NR3C2: variants seen among roughly 807,000 people sequenced by gnomAD.
NR3C2 encodes mineralocorticoid receptor.
Under a neutral mutation model 86.4 loss-of-function variants are expected in NR3C2, and 15 were observed. The observed-to-expected ratio is 0.17, with a 90% CI of 0.12 to 0.27. The LOEUF is 0.27. Ranked by LOEUF, NR3C2 falls within the 10% of genes least tolerant of loss-of-function variation. NR3C2 has a pLI of 1.00. For missense variants in NR3C2, 960 were observed against 1,195.6 expected (o/e 0.80, Z 2.91); for synonymous variants, 458 against 450.5 (o/e 1.02, Z -0.21).
chr4:148,310,945 G>A (rs892034413), intron 2 of NR3C2, among the ~76,000 whole-genome samples: 11 of 151,980 alleles, frequency 7.2e-5, no homozygotes, highest in African/African-American at 1.2e-4. Context: ...TGCTTAGCAC[G>A]GTCACCAGAG....
intron 1 of NR3C2, among the ~76,000 whole-genome samples, chr4:148,437,781 C>T (rs986255364): frequency 1.3e-5 from 2 of 152,174 alleles, no homozygotes; most frequent in Admixed American, 1.3e-4. Flanking sequence ...GTGCCTGCTA[C>T]ACCCTTGGCC....
chr4:148,320,799 T>A (rs1469049598), intron 2 of NR3C2, among the ~76,000 whole-genome samples: 2 of 151,016 alleles, frequency 1.3e-5, no homozygotes, highest in Non-Finnish European at 2.9e-5. Context: ...TAGCGGTCTA[T>A]CAATCTTGTT....
At chr4:148,278,480 C>T (rs990595625) in intron 2 of NR3C2, among the ~76,000 whole-genome samples, 2 of 152,124 alleles carry the variant, frequency 1.3e-5, no homozygotes, top group African/African-American at 2.4e-5. Flanking sequence ...GTGCAAAAAA[C>T]TTTCCCAGGA....
At chr4:148,304,689 T>C (rs975834350) in intron 2 of NR3C2, among the ~76,000 whole-genome samples, 2 of 152,086 alleles carry the variant, frequency 1.3e-5, no homozygotes, top group African/African-American at 4.8e-5. Context: ...GGGGGAATGA[T>C]AGATGCAGGA....
chr4:148,389,420 C>T (rs746225605), intron 2 of NR3C2, among the ~76,000 whole-genome samples: 1 of 152,080 alleles, frequency 6.6e-6, no homozygotes, highest in Non-Finnish European at 1.5e-5. Flanking sequence ...GCACTATTTT[C>T]GAAATAGTAA....
Position 148,154,860 on chromosome 4 carries a change from C to G in NR3C2, c.2056G>C (p.Glu686Gln). The G allele has an allele frequency of 6.3e-7, 1 of 1,582,820 alleles. No homozygotes were observed. The highest frequency in any genetic ancestry group is 8.6e-7 in the Non-Finnish European group (1 of 1,163,460). ...GGCTGCTGCTGCTGTGGCTGCTCCTCGTGAATCCCTTTTAACTTTCCCAAC... is the reference window on the plus strand; with the variant it reads ...GGCTGCTGCTGCTGTGGCTGCTCCTGGTGAATCCCTTTTAACTTTCCCAAC... ...KKLGKLKGIH[E>Q]EQPQQQQPPP... The change falls in exon 5 of 9, where the codon GAG becomes CAG. Residue 686 changes from glutamate (E) to glutamine (Q), a missense_variant. Physicochemically the swap from Glu to Gln is conservative, Grantham distance 29. Coordinates refer to ENST00000358102, the MANE Select transcript of NR3C2 (RefSeq NM_000901.5).
chr4:148,200,447 C>T (rs866233258), intron 3 of NR3C2, among the ~76,000 whole-genome samples: 22 of 152,000 alleles, frequency 1.4e-4, no homozygotes, highest in African/African-American at 3.9e-4. Context: ...TGATTTACAC[C>T]GCTTCTCCCC....
rs937795873 is a variant in NR3C2, at chr4:148,198,902, C to T, written c.1898-4040G>A. Among the ~76,000 whole-genome samples, 6 of 151,046 alleles carry T rather than the reference C, an allele frequency of 4.0e-5. No homozygotes were observed. In the South Asian group the frequency reaches 1.3e-3, roughly 32 times the overall value. ...GAGACTATCCTGGCTAACACGGTGA[C>T]ACCCCATCTCTACTAAAAATATAAA... On this transcript the variant is annotated intron_variant, in intron 3 of 8. Transcript: ENST00000358102.
intron 2 of NR3C2, among the ~76,000 whole-genome samples, chr4:148,268,122 G>T (rs1412070188): frequency 6.6e-6 from 1 of 151,948 alleles, no homozygotes; most frequent in Non-Finnish European, 1.5e-5. Context: ...CATATTTTTA[G>T]TAGAGATGAG....
chr4:148,309,205 C>T (rs1742788658), intron 2 of NR3C2, among the ~76,000 whole-genome samples: 1 of 152,108 alleles, frequency 6.6e-6, no homozygotes, highest in African/African-American at 2.4e-5. Flanking sequence ...AAGAGATGGA[C>T]ACCACCATTT....
chr4:148,385,475 G>C (rs1187228579), intron 2 of NR3C2, among the ~76,000 whole-genome samples: 1 of 152,204 alleles, frequency 6.6e-6, no homozygotes, highest in Non-Finnish European at 1.5e-5. Context: ...ATTCCATACA[G>C]AAACCTCAGG....
chr4:148,303,463 C>T (rs528658306), intron 2 of NR3C2, among the ~76,000 whole-genome samples: 30 of 152,172 alleles, frequency 2.0e-4, no homozygotes, highest in African/African-American at 7.2e-4. Flanking sequence ...AAAGCCAAGC[C>T]CCATGCACAC....
intron 2 of NR3C2, among the ~76,000 whole-genome samples, chr4:148,392,893 T>C (rs951814785): frequency 1.3e-5 from 2 of 152,188 alleles, no homozygotes; most frequent in African/African-American, 4.8e-5. Flanking sequence ...TCATAGGTAG[T>C]CAGCAGCTGC....
Position 148,323,158 on chromosome 4 carries a change from T to C in NR3C2, c.1758-63041A>G, listed in dbSNP as rs371901622. 2.4e-3 allele frequency among the ~76,000 whole-genome samples: 364 copies of C among 149,046 alleles called. 3 individuals carry two copies. In the East Asian group the frequency reaches 0.033, roughly 14 times the overall value. ...CTGCCCTGTGAGGTGTCAGTGTGCC[T>C]CTGCTGGGGGGTGCCTCCCAGTTAG... On this transcript the variant is annotated intron_variant, in intron 2 of 8. Coordinates refer to ENST00000358102, the MANE Select transcript of NR3C2 (RefSeq NM_000901.5).
At chr4:148,173,241 C>T (rs967197559) in intron 4 of NR3C2, among the ~76,000 whole-genome samples, 1 of 152,200 alleles carries the variant, frequency 6.6e-6, no homozygotes, top group African/African-American at 2.4e-5. Context: ...ACGAAGACTT[C>T]ACCTCCCAAT....
intron 2 of NR3C2, among the ~76,000 whole-genome samples, chr4:148,334,632 T>C (rs990649097): frequency 1.3e-5 from 2 of 152,202 alleles, no homozygotes; most frequent in Admixed American, 1.3e-4. Context: ...ATGTTCTAGA[T>C]GGCAAAGAAA....
Position 148,436,701 on chromosome 4 carries a change from C to A in NR3C2, c.160G>T (p.Ala54Ser), listed in dbSNP as rs1750095459. ...EIVNVSCVSG[A>S]IPNNSTQGSS... is the part of the protein sequence containing the mutation. Reference sequence around the variant, plus strand: ...CCTTGAGTACTGTTGTTTGGAATAGCACCGGAAACACAGCTTACGTTGACA... The same window carrying A: ...CCTTGAGTACTGTTGTTTGGAATAGAACCGGAAACACAGCTTACGTTGACA... The change falls in exon 2 of 9, where the codon GCT becomes TCT. Residue 54 changes from alanine to serine, a missense_variant. By Grantham distance (99) the Ala-to-Ser change is moderately conservative. Transcript: ENST00000358102. The A allele has an allele frequency of 6.2e-7, 1 of 1,614,016 alleles. No homozygotes were observed. The highest frequency in any genetic ancestry group is 1.3e-5 in the African/African-American group (1 of 74,888).
In NR3C2 at chr4:148,136,074, AAAC is replaced by A. The variant is rs539176810; in HGVS notation, c.2511-15789_2511-15787del. 1.9e-3 allele frequency among the ~76,000 whole-genome samples: 82 copies of A among 42,332 alleles called. 6 individuals are homozygous for A. The highest frequency in any genetic ancestry group is 4.6e-3 in the African/African-American group (77 of 16,660). The allele number at this position is 42,332 out of a possible 152,430, so 27.8% of individuals were successfully genotyped here. Reference sequence around the variant, plus strand: ...TCCGTCTCAAAAAAAAAAAAAAAAAAAACAAAAAAAAAAAACACCACCAAAACC... The same window carrying A: ...TCCGTCTCAAAAAAAAAAAAAAAAAAAAAAAAAAAAAACACCACCAAAACC... On this transcript the variant is annotated intron_variant, in intron 6 of 8. Coordinates refer to ENST00000358102, the MANE Select transcript of NR3C2 (RefSeq NM_000901.5).
chr4:148,399,111 C>A (rs1265473731), intron 2 of NR3C2, among the ~76,000 whole-genome samples: 1 of 152,208 alleles, frequency 6.6e-6, no homozygotes, highest in Non-Finnish European at 1.5e-5. Context: ...AACTTAAATT[C>A]TTCAGCCATC....
Sources: gnomAD v4.1 joint callset for allele counts (sites outside exome capture counted in the v4.1 genomes callset) on GRCh38, gnomAD v4.1.1 for gene constraint, MANE v1.5 for transcripts, NCBI Gene and HGNC (gene_info 2026-07-23, HGNC 2026-07-21) for gene names.